The following GLCCI1 variants were observed in gnomAD, a reference collection of about 807,000 sequenced individuals.
The protein encoded by GLCCI1 is glucocorticoid induced 1, also known as glucocorticoid-induced transcript 1 protein.
In GLCCI1, 24 loss-of-function variants were observed where a neutral mutation model predicts 52.2. The ratio of observed to expected loss-of-function variants is 0.46; its 90% CI spans 0.33 to 0.65. GLCCI1 has a LOEUF of 0.65. Among genes scored for constraint, GLCCI1 ranks in the 30% least tolerant of loss-of-function variants. The pLI is 0.02. For synonymous variants in GLCCI1, 310 were observed against 276.5 expected, an observed-to-expected ratio of 1.12 and a Z score of -1.20; for missense variants, 704 against 701.5, an observed-to-expected ratio of 1.00 and a Z score of -0.04.
At chr7:8,069,970 C>T (rs895448098) in intron 5 of GLCCI1, 31 of 152,160 alleles carry the variant, frequency 2.0e-4, no homozygotes, top group Non-Finnish European at 4.4e-4. Context: ...AATTATATAA[C>T]TTAATATAGA....
chr7:8,074,780 A>G (rs1782840805), intron 6 of GLCCI1, among the ~76,000 whole-genome samples: 1 of 152,238 alleles, frequency 6.6e-6, no homozygotes, highest in South Asian at 2.1e-4. Flanking sequence ...GAAGCTGTAT[A>G]GCTTTCCTAG....
At chr7:8,048,083 G>A (rs946452927) in intron 3 of GLCCI1, among the ~76,000 whole-genome samples, 2 of 152,164 alleles carry the variant, frequency 1.3e-5, no homozygotes, top group Admixed American at 6.5e-5. Context: ...AAAGGAAATG[G>A]AATAGAAATG....
chr7:7,979,590 A>C (rs536841118), intron 1 of GLCCI1, among the ~76,000 whole-genome samples: 385 of 152,270 alleles, frequency 2.5e-3, no homozygotes, highest in African/African-American at 8.6e-3. Flanking sequence ...GCCTTTACCT[A>C]TTATAATATT....
intron 6 of GLCCI1, among the ~76,000 whole-genome samples, chr7:8,078,097 G>A (rs2127967461): frequency 6.6e-6 from 1 of 151,846 alleles, no homozygotes; most frequent in East Asian, 1.9e-4. Context: ...AGCCGGGCGT[G>A]GTGGCGGGCA....
intron 1 of GLCCI1, among the ~76,000 whole-genome samples, chr7:7,987,948 T>C (rs766495681): frequency 5.3e-5 from 8 of 152,116 alleles, no homozygotes; most frequent in Non-Finnish European, 8.8e-5. Context: ...ATGAATTAGT[T>C]CAATTAGATT....
At chr7:7,992,652 T>A (rs1219682700) in intron 1 of GLCCI1, among the ~76,000 whole-genome samples, 1 of 152,122 alleles carries the variant, frequency 6.6e-6, no homozygotes, top group Non-Finnish European at 1.5e-5. Context: ...TAGTTTTTAG[T>A]ATTTTTTGTT....
intron 5 of GLCCI1, 104 bp from the exon 6 acceptor site, chr7:8,070,817 G>T (rs958646487): frequency 1.7e-5 from 16 of 956,384 alleles, no homozygotes; most frequent in Admixed American, 6.5e-5. Flanking sequence ...GAATAAACTG[G>T]GTCAGTAGTG....
intron 1 of GLCCI1, among the ~76,000 whole-genome samples, chr7:7,982,403 ATTTTC>A (rs1366045348): frequency 3.9e-5 from 6 of 152,086 alleles, no homozygotes; most frequent in Admixed American, 1.3e-4. Flanking sequence ...AGAACTCAAC[ATTTTC>A]TTTGTATACT....
At chr7:8,016,583 A>G (rs77270442) in intron 2 of GLCCI1, among the ~76,000 whole-genome samples, 2,942 of 152,322 alleles carry the variant, frequency 0.019, 75 homozygotes, top group East Asian at 0.084. Context: ...TGTTTTGTAT[A>G]AATGAATGAA....
intron 1 of GLCCI1, among the ~76,000 whole-genome samples, chr7:7,972,680 A>G (rs978321579): frequency 4.6e-5 from 7 of 152,184 alleles, no homozygotes; most frequent in Admixed American, 1.3e-4. Flanking sequence ...GGCTAGAGTA[A>G]TAGAGAATTG....
At position 8,070,911 on chromosome 7, in the gene GLCCI1, C is replaced by G; in HGVS notation, c.967-10C>G. 6.2e-7 allele frequency: 1 copy of G among 1,610,062 alleles called. No homozygotes were observed. ...CAGCATTTGGATGTTTAATGGTATTCCTCTTACAGCCGTTGGACATACCAG... is the reference window on the plus strand; with the variant it reads ...CAGCATTTGGATGTTTAATGGTATTGCTCTTACAGCCGTTGGACATACCAG... On this transcript the variant is annotated splice_polypyrimidine_tract_variant and intron_variant, in intron 5 of 7. Coordinates refer to ENST00000223145, the MANE Select transcript of GLCCI1 (RefSeq NM_138426.4).
chr7:8,032,026 T>C (rs1781762676), intron 3 of GLCCI1, among the ~76,000 whole-genome samples: 1 of 152,010 alleles, frequency 6.6e-6, no homozygotes, highest in African/African-American at 2.4e-5. Context: ...GAGAAACCAA[T>C]TAGAGAATCA....
At chr7:8,019,443 G>A (rs2127947597) in intron 2 of GLCCI1, among the ~76,000 whole-genome samples, 1 of 152,190 alleles carries the variant, frequency 6.6e-6, no homozygotes, top group East Asian at 1.9e-4. Flanking sequence ...ACTACTCTTT[G>A]GGGGATATTT....
At chr7:8,002,624 A>G (rs1364935175) in intron 1 of GLCCI1, among the ~76,000 whole-genome samples, 1 of 152,228 alleles carries the variant, frequency 6.6e-6, no homozygotes, top group Non-Finnish European at 1.5e-5. Flanking sequence ...TTCTGATTTC[A>G]GGAAGGTGAA....
At chr7:8,055,749 G>A (rs944648230) in intron 4 of GLCCI1, 200 bp downstream of exon 4, 2 of 376,186 alleles carry the variant, frequency 5.3e-6, no homozygotes, top group African/African-American at 4.2e-5. Flanking sequence ...CAGCACTTTG[G>A]GAGGCCGAGG....
chr7:8,003,316 G>T (rs16872351), intron 1 of GLCCI1, among the ~76,000 whole-genome samples: 1 of 152,106 alleles, frequency 6.6e-6, no homozygotes, highest in African/African-American at 2.4e-5. Flanking sequence ...AAGAAAGAGA[G>T]TTCTAGGCTC....
chr7:8,033,670 G>C (rs1781805879), intron 3 of GLCCI1, among the ~76,000 whole-genome samples: 1 of 152,036 alleles, frequency 6.6e-6, no homozygotes, highest in Non-Finnish European at 1.5e-5. Context: ...AAAGTGTTTA[G>C]AAATAATTTA....
In GLCCI1 at chr7:7,974,676, C is replaced by T. The variant is rs974449012; in HGVS notation, c.457+4869C>T. Among the ~76,000 whole-genome samples, 5 of 152,256 alleles carry T rather than the reference C, an allele frequency of 3.3e-5. No homozygotes were observed. In the East Asian group the frequency reaches 9.6e-4, roughly 29 times the overall value. ...CTAGTCGGAGAGGGTTTTCCTTAGT[C>T]TGAAATTTTAAAAAATTCTAAAAGT... is the stretch of plus-strand genomic sequence containing the variant. On this transcript the variant is annotated intron_variant, in intron 1 of 7. Coordinates refer to ENST00000223145, the MANE Select transcript of GLCCI1 (RefSeq NM_138426.4).
intron 1 of GLCCI1, chr7:7,980,799 A>C (rs1780598512): frequency 1.4e-6 from 1 of 694,032 alleles, no homozygotes; most frequent in African/African-American, 1.8e-5. Context: ...CATTGACATA[A>C]TTAAGAAAAT....
Sources: allele counts gnomAD v4.1 joint callset (sites outside exome capture counted in the v4.1 genomes callset), GRCh38; gene constraint gnomAD v4.1.1; transcripts MANE v1.5; gene names NCBI Gene and HGNC (gene_info 2026-07-23, HGNC 2026-07-21).